The following POC5 variants were observed in gnomAD, a reference collection of about 807,000 sequenced individuals.
POC5 encodes the protein centrosomal protein POC5.
Under a neutral mutation model 62.9 loss-of-function variants are expected in POC5, and 48 were observed. The ratio of observed to expected loss-of-function variants is 0.76; its 90% CI spans 0.61 to 0.97. The LOEUF (loss-of-function observed/expected upper bound fraction) is 0.97. POC5 is among the 50% of genes least tolerant of loss of function. The pLI, the probability that POC5 is intolerant of heterozygous loss-of-function variation, is 0.00. For synonymous variants in POC5, 236 were observed against 228.2 expected, an observed-to-expected ratio of 1.03 and a Z score of -0.31; for missense variants, 696 against 679.5, an observed-to-expected ratio of 1.02 and a Z score of -0.27.
intron 8 of POC5, chr5:75,689,605 G>C: frequency 1.0e-6 from 1 of 985,018 alleles, no homozygotes; most frequent in African/African-American, 1.7e-5. Context: ...TTGAAGTGCA[G>C]AGTGACCCTA....
At chr5:75,697,182 C>T (rs541683390) in intron 5 of POC5, among the ~76,000 whole-genome samples, 2 of 152,076 alleles carry the variant, frequency 1.3e-5, no homozygotes, top group African/African-American at 2.4e-5. Flanking sequence ...CAGGCCAACG[C>T]TCAGATTCAG....
At chr5:75,689,676 T>G (rs961411980) in intron 8 of POC5, 10 of 985,068 alleles carry the variant, frequency 1.0e-5, no homozygotes, top group Non-Finnish European at 1.2e-5. Flanking sequence ...CATGTCGTAG[T>G]GAACTGCAGA....
chr5:75,704,153 CAAAAA>C (rs373819320), intron 4 of POC5, among the ~76,000 whole-genome samples: 5 of 89,634 alleles, frequency 5.6e-5, no homozygotes, highest in African/African-American at 1.6e-4. Context: ...GACTCTGTCT[CAAAAA>C]AAAAAAAAAA....
rs142092825 is a variant in POC5, at chr5:75,694,313, T to C, written c.690+342A>G. ...AAGAAAGGATTAGAAAGAAAAAAAC[T>C]AGTGTACTTACATTTAGCACATACT... On this transcript the variant is annotated intron_variant, in intron 6 of 11. Coordinates refer to ENST00000428202, the MANE Select transcript of POC5 (RefSeq NM_001099271.2). Among the ~76,000 whole-genome samples the C allele has an allele frequency of 5.0e-3, 755 of 152,302 alleles. 4 individuals carry two copies. Among genetic ancestry groups the C allele is most frequent in the Middle Eastern group, 0.031 (9 of 294 alleles).
At chr5:75,687,881 T>G (rs1348009529) in intron 9 of POC5, among the ~76,000 whole-genome samples, 1 of 152,190 alleles carries the variant, frequency 6.6e-6, no homozygotes, top group Non-Finnish European at 1.5e-5. Flanking sequence ...GACTATTCTA[T>G]CATTGAAGGT....
At chr5:75,700,652 G>A (rs1776832911) in intron 5 of POC5, among the ~76,000 whole-genome samples, 1 of 149,732 alleles carries the variant, frequency 6.7e-6, no homozygotes, top group African/African-American at 2.4e-5. Context: ...TCAGGACACA[G>A]GCATGGGCAA....
intron 2 of POC5, among the ~76,000 whole-genome samples, chr5:75,711,101 T>G (rs374668997): frequency 2.6e-5 from 4 of 152,296 alleles, no homozygotes; most frequent in African/African-American, 9.6e-5. Context: ...AGAAAACATT[T>G]AGAAAAAATC....
chr5:75,674,784 C>T (rs975395351), intron 11 of POC5, among the ~76,000 whole-genome samples: 1 of 152,144 alleles, frequency 6.6e-6, no homozygotes, highest in Non-Finnish European at 1.5e-5. Context: ...ATGTTCAACA[C>T]CCACAGTGTA....
intron 9 of POC5, among the ~76,000 whole-genome samples, chr5:75,688,165 G>T (rs1399903746): frequency 1.3e-5 from 2 of 152,156 alleles, no homozygotes; most frequent in African/African-American, 4.8e-5. Flanking sequence ...TTATTCATTG[G>T]ATTGAAATCA....
chr5:75,703,088 C>T (rs1776958582), intron 4 of POC5, among the ~76,000 whole-genome samples: 1 of 152,170 alleles, frequency 6.6e-6, no homozygotes, highest in African/African-American at 2.4e-5. Context: ...CCAGGTCCAG[C>T]CTGAGGTGAA....
chr5:75,702,492 G>T, intron 5 of POC5, 113 bp downstream of exon 5: 1 of 1,039,442 alleles, frequency 9.6e-7, no homozygotes. Flanking sequence ...CTGATCTCAG[G>T]AAACAAAAGA....
At chr5:75,712,536 T>A in intron 2 of POC5, 1 of 1,306,000 alleles carries the variant, frequency 7.7e-7, no homozygotes. Flanking sequence ...AAAGTGAAAG[T>A]AGCATTCATG....
rs377233782 is a variant in POC5, at chr5:75,701,186, C to G, written c.513+1419G>C. Among the ~76,000 whole-genome samples, 697 of 124,488 alleles carry G rather than the reference C, an allele frequency of 5.6e-3. 1 individual carries two copies. The highest frequency in any genetic ancestry group is 0.011 in the Middle Eastern group (3 of 266). The allele number at this position is 124,488 out of a possible 152,430, so 81.7% of individuals were successfully genotyped here. On this transcript the variant is annotated intron_variant, in intron 5 of 11. Coordinates refer to ENST00000428202, the MANE Select transcript of POC5 (RefSeq NM_001099271.2). ...GCGATTCCTCAGGGATCTAGAACTACAAATACCATTTGACCCAGCCATCCC... is the reference window on the plus strand; with the variant it reads ...GCGATTCCTCAGGGATCTAGAACTAGAAATACCATTTGACCCAGCCATCCC...
intron 4 of POC5, among the ~76,000 whole-genome samples, chr5:75,704,499 T>C (rs1580053877): frequency 6.6e-6 from 1 of 152,232 alleles, no homozygotes; most frequent in Non-Finnish European, 1.5e-5. Context: ...CTAGTCATAC[T>C]ATGAAATGCT....
At chr5:75,703,974 T>C (rs1777013004) in intron 4 of POC5, among the ~76,000 whole-genome samples, 1 of 151,806 alleles carries the variant, frequency 6.6e-6, no homozygotes, top group Non-Finnish European at 1.5e-5. Flanking sequence ...GCCAACATGG[T>C]AAAACCCTAT....
intron 5 of POC5, among the ~76,000 whole-genome samples, chr5:75,696,816 A>G (rs1776618395): frequency 6.6e-6 from 1 of 150,766 alleles, no homozygotes; most frequent in Admixed American, 6.6e-5. Context: ...AAAAAAATTT[A>G]GAAGAATGTA....
At chr5:75,695,232 T>G (rs1400837011) in intron 5 of POC5, among the ~76,000 whole-genome samples, 1 of 152,218 alleles carries the variant, frequency 6.6e-6, no homozygotes, top group East Asian at 1.9e-4. Context: ...AAATGGGTGA[T>G]AGTGGAAAGA....
intron 10 of POC5, among the ~76,000 whole-genome samples, chr5:75,684,917 G>C (rs1407678241): frequency 6.6e-6 from 1 of 150,812 alleles, no homozygotes; most frequent in Admixed American, 6.6e-5. Context: ...GCCCAGGCTG[G>C]AGTGCAGTGG....
intron 10 of POC5, among the ~76,000 whole-genome samples, chr5:75,684,398 T>C (rs1776006426): frequency 6.9e-6 from 1 of 145,484 alleles, no homozygotes. Flanking sequence ...GGAGTTTCAC[T>C]CTTGTTGCCC....
Sources: allele counts gnomAD v4.1 joint callset (sites outside exome capture counted in the v4.1 genomes callset), GRCh38; gene constraint gnomAD v4.1.1; transcripts MANE v1.5; gene names NCBI Gene and HGNC (gene_info 2026-07-23, HGNC 2026-07-21).